TBCK: variants seen among roughly 807,000 people sequenced by gnomAD.
TBCK encodes TBC1 domain containing kinase, also known as TBC domain-containing protein kinase-like protein.
TBCK carries 99 observed loss-of-function variants against 113.4 expected under a neutral mutation model. That is an observed-to-expected ratio of 0.87 (90% CI 0.74 to 1.03). The LOEUF is 1.03. TBCK is among the 50% of genes least tolerant of loss of function. TBCK has a pLI of 0.00. For missense variants in TBCK, 1,045 were observed against 1,061.3 expected (o/e 0.98, Z 0.21); for synonymous variants, 369 against 370.8 (o/e 1.00, Z 0.05).
intron 23 of TBCK, among the ~76,000 whole-genome samples, chr4:106,134,729 G>A (rs1746362001): frequency 6.6e-6 from 1 of 152,176 alleles, no homozygotes; most frequent in African/African-American, 2.4e-5. Context: ...TAAGGCATGG[G>A]TGACATTCTA....
At chr4:106,316,506 G>A, upstream of TBCK, 5 of 1,544,036 alleles carry the variant, frequency 3.2e-6, no homozygotes, top group Non-Finnish European at 4.4e-6. Flanking sequence ...CACCTCATTG[G>A]GTCCTTTCTC....
At chr4:106,215,748 C>T (rs1756812186) in intron 19 of TBCK, among the ~76,000 whole-genome samples, 1 of 151,256 alleles carries the variant, frequency 6.6e-6, no homozygotes, top group Non-Finnish European at 1.5e-5. Flanking sequence ...GAGACTTAGA[C>T]TCCCACACAT....
intron 23 of TBCK, among the ~76,000 whole-genome samples, chr4:106,155,243 A>T (rs1289845567): frequency 6.6e-6 from 1 of 151,476 alleles, no homozygotes; most frequent in Non-Finnish European, 1.5e-5. Context: ...TAAGAGTTCC[A>T]TTGTATGTTA....
intron 24 of TBCK, among the ~76,000 whole-genome samples, chr4:106,098,698 T>G (rs1160942085): frequency 1.3e-5 from 2 of 152,082 alleles, no homozygotes; most frequent in Non-Finnish European, 2.9e-5. Context: ...CGTGTTTGGA[T>G]ATGGTTGTTT....
At position 106,193,747 on chromosome 4, in the gene TBCK, A is replaced by C. The variant is rs763673566; in HGVS notation, c.1921T>G (p.Phe641Val). 1 of 1,586,108 alleles carries C rather than the reference A, an allele frequency of 6.3e-7. No individual in the cohort carries two copies. The highest frequency in any genetic ancestry group is 1.2e-5 in the South Asian group (1 of 85,970). Residue 641 changes from phenylalanine to valine, a missense_variant, in exon 22 of 26, where the codon TTC becomes GTC. Physicochemically the swap from Phe to Val is conservative, Grantham distance 50. Transcript: ENST00000394708. ...FTHVFPLHKI[F>V]HLWDTLLLGN... ...AGTAGTAAGGTATCCCAGAGGTGGAAAATTTTGTGTAGTGGAAATACATCT... is the reference window on the plus strand; with the variant it reads ...AGTAGTAAGGTATCCCAGAGGTGGACAATTTTGTGTAGTGGAAATACATCT...
At chr4:106,214,244 T>C (rs1033560271) in intron 19 of TBCK, among the ~76,000 whole-genome samples, 5 of 151,954 alleles carry the variant, frequency 3.3e-5, no homozygotes, top group South Asian at 2.1e-4. Flanking sequence ...AGACCAAAAG[T>C]AGATAAAACC....
intron 3 of TBCK, among the ~76,000 whole-genome samples, chr4:106,279,398 A>G (rs1396123336): frequency 6.6e-6 from 1 of 152,222 alleles, no homozygotes; most frequent in Non-Finnish European, 1.5e-5. Context: ...TGTAATAATC[A>G]TATCAGGATA....
chr4:106,268,590 C>T (rs1240761685), intron 3 of TBCK, among the ~76,000 whole-genome samples: 1 of 152,006 alleles, frequency 6.6e-6, no homozygotes, highest in Non-Finnish European at 1.5e-5. Context: ...CAAGTTCACC[C>T]AATGGCTATC....
intron 24 of TBCK, among the ~76,000 whole-genome samples, chr4:106,101,198 A>G (rs569854762): frequency 6.6e-6 from 1 of 152,266 alleles, no homozygotes; most frequent in South Asian, 2.1e-4. Flanking sequence ...ATGAGACTGT[A>G]TGGCACTCTA....
At chr4:106,046,805 T>C (rs1734267997) in intron 25 of TBCK, 125 bp from the exon 26 acceptor site, 1 of 529,114 alleles carries the variant, frequency 1.9e-6, no homozygotes, top group Admixed American at 3.5e-5. Flanking sequence ...CACTGTATAA[T>C]AAGTTGTCAA....
intron 19 of TBCK, 91 bp downstream of exon 19, chr4:106,230,272 G>A: frequency 1.4e-6 from 1 of 725,648 alleles, no homozygotes; most frequent in Non-Finnish European, 2.1e-6. Flanking sequence ...GTATTTTTGG[G>A]GTCAAAATCT....
chr4:106,134,410 A>G (rs1185701568), intron 23 of TBCK, among the ~76,000 whole-genome samples: 1 of 152,216 alleles, frequency 6.6e-6, no homozygotes, highest in Non-Finnish European at 1.5e-5. Flanking sequence ...AGGCTATACT[A>G]TGCTAGTCTG....
chr4:106,224,214 A>G (rs1289365141), intron 19 of TBCK, among the ~76,000 whole-genome samples: 1 of 152,068 alleles, frequency 6.6e-6, no homozygotes, highest in Non-Finnish European at 1.5e-5. Flanking sequence ...ACTGATCTAT[A>G]AGAGGTAAAG....
chr4:106,094,975 T>C (rs1192540272), intron 25 of TBCK, among the ~76,000 whole-genome samples: 1 of 152,232 alleles, frequency 6.6e-6, no homozygotes, highest in Non-Finnish European at 1.5e-5. Flanking sequence ...CATATGCTAC[T>C]CTTTGTTTTA....
chr4:106,256,833 C>T (rs571162028), intron 5 of TBCK, among the ~76,000 whole-genome samples: 3 of 152,058 alleles, frequency 2.0e-5, no homozygotes, highest in Non-Finnish European at 4.4e-5. Context: ...ACCTATTTTG[C>T]CTGTTCTATA....
At chr4:106,162,340 G>C (rs72968432) in intron 23 of TBCK, among the ~76,000 whole-genome samples, 4,103 of 152,250 alleles carry the variant, frequency 0.027, 178 homozygotes, top group African/African-American at 0.094. Context: ...TGCTTTCATA[G>C]GATGGTGTTG....
upstream of TBCK, chr4:106,316,402 G>A (rs571011862): frequency 6.9e-4 from 518 of 745,462 alleles, 6 homozygotes; most frequent in South Asian, 8.2e-3. Flanking sequence ...GGAAGACGAG[G>A]AGCGTGGTAT....
intron 17 of TBCK, 74 bp from the exon 18 acceptor site, chr4:106,231,853 A>C (rs1429494102): frequency 1.6e-6 from 2 of 1,279,280 alleles, no homozygotes; most frequent in African/African-American, 3.0e-5. Flanking sequence ...TACCTTATTC[A>C]ATTCTTTGCA....
chr4:106,052,492 T>C (rs575726805), intron 25 of TBCK, among the ~76,000 whole-genome samples: 7 of 151,934 alleles, frequency 4.6e-5, no homozygotes, highest in Admixed American at 2.6e-4. Flanking sequence ...TTCTTTAGTA[T>C]TGTCCACAAA....
Sources: gnomAD v4.1 joint callset for allele counts (sites outside exome capture counted in the v4.1 genomes callset) on GRCh38, gnomAD v4.1.1 for gene constraint, MANE v1.5 for transcripts, NCBI Gene and HGNC (gene_info 2026-07-23, HGNC 2026-07-21) for gene names.